The following THSD7A variants were observed in gnomAD, a reference collection of about 807,000 sequenced individuals.
The protein encoded by THSD7A is thrombospondin type-1 domain-containing protein 7A.
Under a neutral mutation model 231.3 loss-of-function variants are expected in THSD7A, and 96 were observed. The observed-to-expected ratio is 0.41, with a 90% CI of 0.35 to 0.49. The LOEUF is 0.49. THSD7A is among the 20% of genes least tolerant of loss of function. The pLI, the probability that THSD7A is intolerant of heterozygous loss-of-function variation, is 0.05. For synonymous variants in THSD7A, 940 were observed against 743.3 expected, an observed-to-expected ratio of 1.26 and a Z score of -4.30; for missense variants, 2,290 against 2,070.2, an observed-to-expected ratio of 1.11 and a Z score of -2.06.
At chr7:11,607,117 C>G (rs1470585329) in intron 2 of THSD7A, among the ~76,000 whole-genome samples, 14 of 151,904 alleles carry the variant, frequency 9.2e-5, no homozygotes, top group Admixed American at 9.2e-4. Context: ...GTCTGTAGTC[C>G]CAACTCTTAT....
chr7:11,711,311 G>C (rs1780956011), intron 1 of THSD7A, among the ~76,000 whole-genome samples: 1 of 150,696 alleles, frequency 6.6e-6, no homozygotes, highest in Non-Finnish European at 1.5e-5. Context: ...TCCTTTCTTG[G>C]GGTCACAGAG....
chr7:11,476,105 T>C (rs1786164477), intron 7 of THSD7A, among the ~76,000 whole-genome samples: 2 of 152,048 alleles, frequency 1.3e-5, no homozygotes, highest in African/African-American at 4.8e-5. Flanking sequence ...AAGTCTAACA[T>C]TAATTTTTAA....
chr7:11,531,038 G>C (rs998856252), intron 6 of THSD7A, among the ~76,000 whole-genome samples: 3 of 152,066 alleles, frequency 2.0e-5, no homozygotes, highest in African/African-American at 7.2e-5. Context: ...ATTTCAAGCA[G>C]CTGAATGATG....
Position 11,820,773 on chromosome 7 carries a change from G to A in THSD7A, c.190+10984C>T, listed in dbSNP as rs1318452984. ...TCTGCTTTGTAGGAGTGAGATGACCGGGAGGAAGAGGAGGAGGATCTGGAC... is the reference window on the plus strand; with the variant it reads ...TCTGCTTTGTAGGAGTGAGATGACCAGGAGGAAGAGGAGGAGGATCTGGAC... On this transcript the variant is annotated intron_variant, in intron 1 of 27. Transcript: ENST00000423059. 34 of 1,199,880 alleles carry A rather than the reference G, an allele frequency of 2.8e-5. No individual in the cohort carries two copies. The East Asian group carries it at 7.0e-4, about 25-fold the overall frequency. The allele number at this position is 1,199,880 out of a possible 1,614,324, so 74.3% of individuals were successfully genotyped here.
chr7:11,738,408 A>G (rs1028847143), intron 1 of THSD7A, among the ~76,000 whole-genome samples: 1 of 152,162 alleles, frequency 6.6e-6, no homozygotes, highest in South Asian at 2.1e-4. Flanking sequence ...ACACAATAGC[A>G]TCTCAGCAAA....
intron 4 of THSD7A, among the ~76,000 whole-genome samples, chr7:11,574,497 C>T (rs969122440): frequency 6.0e-5 from 9 of 150,840 alleles, no homozygotes; most frequent in Admixed American, 4.6e-4. Flanking sequence ...TGCAGTGGCA[C>T]GATCTCGGCT....
chr7:11,484,804 A>G (rs913698330), intron 6 of THSD7A, among the ~76,000 whole-genome samples: 2 of 149,638 alleles, frequency 1.3e-5, no homozygotes, highest in African/African-American at 2.5e-5. Flanking sequence ...AGTGGATAGC[A>G]GCACATGCAT....
chr7:11,618,316 T>G (rs192938863), intron 2 of THSD7A, among the ~76,000 whole-genome samples: 212 of 152,320 alleles, frequency 1.4e-3, no homozygotes, highest in Admixed American at 2.7e-3. Context: ...GCATATTGTA[T>G]ACACACATAT....
At chr7:11,525,209 C>T (rs1426498103) in intron 6 of THSD7A, among the ~76,000 whole-genome samples, 2 of 152,232 alleles carry the variant, frequency 1.3e-5, no homozygotes, top group African/African-American at 2.4e-5. Context: ...GTCATTTTCC[C>T]CTAACTGCAA....
At chr7:11,821,979 C>G (rs1434866043) in intron 1 of THSD7A, among the ~76,000 whole-genome samples, 1 of 152,116 alleles carries the variant, frequency 6.6e-6, no homozygotes, top group Non-Finnish European at 1.5e-5. Flanking sequence ...GCATCAGAAA[C>G]AATAGATAGG....
At chr7:11,671,941 CCTTCT>C (rs1463152699) in intron 1 of THSD7A, among the ~76,000 whole-genome samples, 5 of 152,046 alleles carry the variant, frequency 3.3e-5, no homozygotes, top group Non-Finnish European at 7.4e-5. Flanking sequence ...ACATTTATTT[CCTTCT>C]CTTTTTGTTC....
At chr7:11,747,001 G>C (rs968331561) in intron 1 of THSD7A, among the ~76,000 whole-genome samples, 4 of 151,760 alleles carry the variant, frequency 2.6e-5, no homozygotes, top group Admixed American at 2.6e-4. Flanking sequence ...ACATTACAAA[G>C]TAATATGGAA....
chr7:11,477,358 C>T (rs1325870966), intron 7 of THSD7A, among the ~76,000 whole-genome samples: 1 of 152,092 alleles, frequency 6.6e-6, no homozygotes. Context: ...AGAGTTATTA[C>T]AGAAATGATA....
At chr7:11,772,274 A>C (rs1041588785) in intron 1 of THSD7A, among the ~76,000 whole-genome samples, 4 of 152,164 alleles carry the variant, frequency 2.6e-5, no homozygotes, top group Non-Finnish European at 4.4e-5. Flanking sequence ...GCTGGTGGTG[A>C]GAATGTAAAT....
intron 1 of THSD7A, among the ~76,000 whole-genome samples, chr7:11,828,201 G>C (rs1012471735): frequency 2.6e-5 from 4 of 152,186 alleles, no homozygotes; most frequent in African/African-American, 9.7e-5. Flanking sequence ...ACCATTGTTT[G>C]AAAGTTTATT....
At chr7:11,626,598 C>T (rs1447777973) in intron 2 of THSD7A, among the ~76,000 whole-genome samples, 1 of 151,864 alleles carries the variant, frequency 6.6e-6, no homozygotes, top group Non-Finnish European at 1.5e-5. Context: ...CAATTTTAGC[C>T]CTTAATTTGC....
At chr7:11,408,556 G>T (rs913905583) in intron 19 of THSD7A, among the ~76,000 whole-genome samples, 7 of 151,824 alleles carry the variant, frequency 4.6e-5, no homozygotes, top group African/African-American at 1.7e-4. Flanking sequence ...GTAAGAGCTT[G>T]TTAGGAGAAT....
chr7:11,809,638 T>G (rs1479473869), intron 1 of THSD7A, among the ~76,000 whole-genome samples: 4 of 152,170 alleles, frequency 2.6e-5, no homozygotes, highest in Admixed American at 1.3e-4. Context: ...CAGTAAGCAT[T>G]ATTGTATCTT....
At chr7:11,564,074 G>C (rs1386246809) in intron 4 of THSD7A, among the ~76,000 whole-genome samples, 1 of 152,132 alleles carries the variant, frequency 6.6e-6, no homozygotes, top group African/African-American at 2.4e-5. Flanking sequence ...AGAAGGTCTA[G>C]GCTTGGTCTA....
Sources: allele counts gnomAD v4.1 joint callset (sites outside exome capture counted in the v4.1 genomes callset), GRCh38; gene constraint gnomAD v4.1.1; transcripts MANE v1.5; gene names NCBI Gene and HGNC (gene_info 2026-07-23, HGNC 2026-07-21).